The following CAMTA1 variants were observed in gnomAD, a reference collection of about 807,000 sequenced individuals.
CAMTA1 encodes the protein calmodulin binding transcription activator 1.
A neutral mutation model predicts 170.9 loss-of-function variants in CAMTA1; 27 were observed. The ratio of observed to expected loss-of-function variants is 0.16; its 90% CI spans 0.12 to 0.22. CAMTA1 has a LOEUF of 0.22. Ranked by LOEUF, CAMTA1 falls within the 10% of genes least tolerant of loss-of-function variation. The pLI is 1.00. For synonymous variants in CAMTA1, 833 were observed against 891.5 expected, an observed-to-expected ratio of 0.93 and a Z score of 1.17; for missense variants, 1,619 against 2,217.2, an observed-to-expected ratio of 0.73 and a Z score of 5.42.
intron 3 of CAMTA1, among the ~76,000 whole-genome samples, chr1:6,986,500 G>A (rs2100318762): frequency 6.6e-6 from 1 of 152,264 alleles, no homozygotes; most frequent in African/African-American, 2.4e-5. Flanking sequence ...ATTTACAAAG[G>A]AGTCGGATGC....
Position 7,738,639 on chromosome 1 carries a change from G to T in CAMTA1, c.4182+157G>T, listed in dbSNP as rs2096788181. ...TCGTTGGAGTATCTTCTTTCCTTGG[G>T]GCCACATTTTCATTCGGTGAATCGG... On this transcript the variant is annotated intron_variant, in intron 16 of 22. Coordinates refer to ENST00000303635, the MANE Select transcript of CAMTA1 (RefSeq NM_015215.4). The surrounding 1 kb of genome is among the most constrained non-coding windows in gnomAD (Gnocchi z 4.9). Among the ~76,000 whole-genome samples, 1 of 152,048 alleles carries T rather than the reference G, an allele frequency of 6.6e-6. No homozygotes were observed. The highest frequency in any genetic ancestry group is 2.4e-5 in the African/African-American group (1 of 41,386).
intron 5 of CAMTA1, among the ~76,000 whole-genome samples, chr1:7,311,939 G>A (rs1676788504): frequency 6.6e-6 from 1 of 152,174 alleles, no homozygotes; most frequent in African/African-American, 2.4e-5. Flanking sequence ...CATGCTGTTA[G>A]CATCAGATCC....
At chr1:7,380,310 C>T (rs929150555) in intron 5 of CAMTA1, among the ~76,000 whole-genome samples, 1 of 152,192 alleles carries the variant, frequency 6.6e-6, no homozygotes, top group African/African-American at 2.4e-5. Context: ...TCCGGTGGCT[C>T]ACGCCTCTAA....
chr1:7,617,193 C>T (rs1434720247), intron 6 of CAMTA1, among the ~76,000 whole-genome samples: 2 of 152,192 alleles, frequency 1.3e-5, no homozygotes, highest in Non-Finnish European at 2.9e-5. Flanking sequence ...TGCAGTGTCC[C>T]AGAATCAAGA....
intron 6 of CAMTA1, among the ~76,000 whole-genome samples, chr1:7,578,749 C>G (rs763988108): frequency 6.6e-6 from 1 of 152,184 alleles, no homozygotes; most frequent in Non-Finnish European, 1.5e-5. Flanking sequence ...CTTGCTTCAT[C>G]ATCCCATGGA....
At chr1:7,228,148 G>A (rs1662048614) in intron 4 of CAMTA1, among the ~76,000 whole-genome samples, 1 of 152,264 alleles carries the variant, frequency 6.6e-6, no homozygotes, top group Non-Finnish European at 1.5e-5. Flanking sequence ...CATCATGGCT[G>A]TTAGACCACA....
At chr1:7,367,650 G>A (rs2150026410) in intron 5 of CAMTA1, among the ~76,000 whole-genome samples, 1 of 152,344 alleles carries the variant, frequency 6.6e-6, no homozygotes, top group Non-Finnish European at 1.5e-5. Flanking sequence ...TCTACTCCTG[G>A]GACATTACAA....
chr1:7,408,864 C>T (rs1443765006), intron 5 of CAMTA1, among the ~76,000 whole-genome samples: 1 of 152,198 alleles, frequency 6.6e-6, no homozygotes, highest in African/African-American at 2.4e-5. Flanking sequence ...CCACGGTTCC[C>T]CCTCCCACTC....
rs200492111 is a variant in CAMTA1, at chr1:6,960,563, C to T, written c.235-130741C>T. 6.6e-5 allele frequency among the ~76,000 whole-genome samples: 10 copies of T among 152,296 alleles called. No homozygotes were observed. In the East Asian group the frequency reaches 1.7e-3, roughly 26 times the overall value. On this transcript the variant is annotated intron_variant, in intron 3 of 22. Transcript: ENST00000303635. ...ACCTCCTCGGCAAAGACTCCCCCAC[C>T]GCCTGAAGCAAAATTAATCACTCCT...
chr1:7,178,608 C>T (rs1651433509), intron 4 of CAMTA1, among the ~76,000 whole-genome samples: 1 of 152,160 alleles, frequency 6.6e-6, no homozygotes, highest in African/African-American at 2.4e-5. Context: ...AAAATGCTTT[C>T]TATGCCCAGA....
intron 5 of CAMTA1, among the ~76,000 whole-genome samples, chr1:7,410,858 A>C (rs1321414895): frequency 6.6e-6 from 1 of 151,884 alleles, no homozygotes; most frequent in Non-Finnish European, 1.5e-5. Context: ...GTGTCACTAA[A>C]GGGGTTGTGG....
chr1:7,278,164 T>C (rs1671015785), intron 5 of CAMTA1, among the ~76,000 whole-genome samples: 1 of 152,228 alleles, frequency 6.6e-6, no homozygotes, highest in African/African-American at 2.4e-5. Context: ...TGTGTTAATT[T>C]ACAACTGCTC....
chr1:7,094,738 C>T (rs756624987), intron 4 of CAMTA1, among the ~76,000 whole-genome samples: 4 of 152,218 alleles, frequency 2.6e-5, no homozygotes, highest in Middle Eastern at 3.4e-3. Flanking sequence ...GGGGCAGCCG[C>T]GGTATCGCAA....
At chr1:7,148,053 G>A (rs985370072) in intron 4 of CAMTA1, among the ~76,000 whole-genome samples, 2 of 138,656 alleles carry the variant, frequency 1.4e-5, no homozygotes, top group Admixed American at 7.1e-5. Flanking sequence ...CACCATGCAC[G>A]TATGCACACA....
At chr1:6,958,546 T>C (rs1689860177) in intron 3 of CAMTA1, among the ~76,000 whole-genome samples, 1 of 152,202 alleles carries the variant, frequency 6.6e-6, no homozygotes, top group Non-Finnish European at 1.5e-5. Flanking sequence ...TCCAGGCCTA[T>C]TACTGAAGTC....
chr1:7,649,132 G>C (rs891181575), intron 7 of CAMTA1, among the ~76,000 whole-genome samples: 32 of 152,348 alleles, frequency 2.1e-4, no homozygotes, highest in Admixed American at 1.8e-3. Flanking sequence ...TAAGAAATAC[G>C]ACTCTAGAAG....
At chr1:7,239,750 G>A (rs985718599) in intron 4 of CAMTA1, among the ~76,000 whole-genome samples, 1 of 145,748 alleles carries the variant, frequency 6.9e-6, no homozygotes, top group Non-Finnish European at 1.5e-5. Flanking sequence ...ATAAACAATA[G>A]AAGTTTACTT....
intron 3 of CAMTA1, among the ~76,000 whole-genome samples, chr1:6,857,308 A>G (rs1175376256): frequency 6.6e-6 from 1 of 152,240 alleles, no homozygotes; most frequent in Non-Finnish European, 1.5e-5. Context: ...ACAGGGAGAC[A>G]TTGAGAATAA....
chr1:7,643,913 G>A (rs1354212601), intron 7 of CAMTA1, among the ~76,000 whole-genome samples: 2 of 152,236 alleles, frequency 1.3e-5, no homozygotes, highest in Non-Finnish European at 2.9e-5. Context: ...GGGGACAGCA[G>A]AGGTGTGCTG....
Sources: gnomAD v4.1 joint callset for allele counts (sites outside exome capture counted in the v4.1 genomes callset) on GRCh38, gnomAD v4.1.1 for gene constraint, Gnocchi (gnomAD v3.1) non-coding constraint, MANE v1.5 for transcripts, NCBI Gene and HGNC (gene_info 2026-07-23, HGNC 2026-07-21) for gene names.